The following ANXA4 variants were observed in gnomAD, a reference collection of about 807,000 sequenced individuals.
ANXA4 encodes the protein annexin A4.
In ANXA4, 39 loss-of-function variants were observed where a neutral mutation model predicts 49.8. The ratio of observed to expected loss-of-function variants is 0.78; its 90% CI spans 0.61 to 1.02. ANXA4 has a LOEUF of 1.02. Among genes scored for constraint, ANXA4 ranks in the 50% least tolerant of loss-of-function variants. ANXA4 has a pLI of 0.00. For synonymous variants in ANXA4, 134 were observed against 152.5 expected (o/e 0.88, Z 0.89); for missense variants, 360 against 410.1 (o/e 0.88, Z 1.05).
At position 69,657,172 on chromosome 2, in the gene ANXA4, T is replaced by G. The variant is rs138853070; in HGVS notation, n.766+3890T>G. Among the ~76,000 whole-genome samples, 720 of 152,062 alleles carry G rather than the reference T, an allele frequency of 4.7e-3. 6 individuals carry two copies. Among genetic ancestry groups the G allele is most frequent in the African/African-American group, 0.017 (685 of 41,464 alleles). ...ACCATGCCCAGCTAATTTTTGTATT[T>G]TTAGTAGAAACGGAGTTTCACTGTT... On this transcript the variant is annotated intron_variant and non_coding_transcript_variant, in intron 2 of 3. Transcript: ENST00000418066.
Position 69,750,615 on chromosome 2 carries a change from C to T in ANXA4, c.-47+8440C>T, listed in dbSNP as rs943086161. Among the ~76,000 whole-genome samples, 4 of 152,172 alleles carry T rather than the reference C, an allele frequency of 2.6e-5. No individual in the cohort carries two copies. The East Asian group carries it at 5.8e-4, about 22-fold the overall frequency. On this transcript the variant is annotated intron_variant, in intron 1 of 12. Coordinates refer to ENST00000394295, the MANE Select transcript of ANXA4 (RefSeq NM_001153.5). ...TTTTTGTAGAGACAGAGTTTTACCA[C>T]GTTTCCCAGGCTGGTTTCAAACTCC...
chr2:69,654,522 T>G (rs1167366388), intron 2 of ANXA4, among the ~76,000 whole-genome samples: 1 of 152,238 alleles, frequency 6.6e-6, no homozygotes, highest in Non-Finnish European at 1.5e-5. Context: ...TGAAGGCCCT[T>G]TCTGCATGTA....
At chr2:69,697,001 T>C (rs1250204726) in intron 2 of ANXA4, among the ~76,000 whole-genome samples, 1 of 152,148 alleles carries the variant, frequency 6.6e-6, no homozygotes, top group East Asian at 1.9e-4. Flanking sequence ...ATGAGCACCA[T>C]GTTCAACTTA....
At position 69,818,610 on chromosome 2, in the gene ANXA4, T is replaced by C. The variant is rs757061542; in HGVS notation, c.640T>C (p.Tyr214His). The change falls in exon 10 of 13, where the codon TAC (tyrosine) becomes CAC (histidine). Residue 214 changes from tyrosine (Y) to histidine (H), a missense_variant. By Grantham distance (83) the Tyr-to-His change is moderately conservative. Coordinates refer to ENST00000394295, the MANE Select transcript of ANXA4 (RefSeq NM_001153.5). Reference protein sequence around the residue: ...RNHLLHVFDEYKRISQKDIEQ... With the variant: ...RNHLLHVFDEHKRISQKDIEQ... ...GTTATTGTCTGCAGTGTTTGATGAA[T>C]ACAAAAGGATATCACAGAAGGATAT... The C allele has an allele frequency of 6.2e-7, 1 of 1,601,176 alleles. No individual in the cohort carries two copies. The highest frequency in any genetic ancestry group is 2.2e-5 in the East Asian group (1 of 44,570).
At chr2:69,670,761 C>T (rs187652874) in intron 2 of ANXA4, among the ~76,000 whole-genome samples, 39 of 152,068 alleles carry the variant, frequency 2.6e-4, no homozygotes, top group Admixed American at 9.8e-4. Flanking sequence ...TGATGGCTCA[C>T]ACCTGTAATC....
intron 1 of ANXA4, among the ~76,000 whole-genome samples, chr2:69,748,727 T>A (rs78460898): frequency 6.0e-5 from 9 of 149,452 alleles, no homozygotes; most frequent in Non-Finnish European, 8.9e-5. Context: ...TTTTTTTTTT[T>A]AATACAGGGT....
intron 7 of ANXA4, chr2:69,811,270 A>G (rs1490527593): frequency 6.5e-6 from 1 of 153,224 alleles, no homozygotes; most frequent in Non-Finnish European, 1.5e-5. Flanking sequence ...TTCTGGAAAC[A>G]GGGTGGGAGG....
intron 2 of ANXA4, among the ~76,000 whole-genome samples, chr2:69,669,867 A>G (rs1226108140): frequency 6.6e-6 from 1 of 152,124 alleles, no homozygotes; most frequent in Non-Finnish European, 1.5e-5. Flanking sequence ...CCGCTACTCA[A>G]GATTGTAAAG....
At chr2:69,744,724 A>G (rs1455768442) in intron 1 of ANXA4, among the ~76,000 whole-genome samples, 1 of 152,136 alleles carries the variant, frequency 6.6e-6, no homozygotes, top group Non-Finnish European at 1.5e-5. Context: ...ATCCTTGGTC[A>G]AGTTCAGACC....
At position 69,757,261 on chromosome 2, in the gene ANXA4, TATA is replaced by T. The variant is rs1207508349; in HGVS notation, c.-47+15087_-47+15089del. ...TTTTATATATATATATATATATATA[TATA>T]TATTTTTTTTTTTTTTTTTTTTTTT... On this transcript the variant is annotated intron_variant, in intron 1 of 12. Transcript: ENST00000394295. Among the ~76,000 whole-genome samples, 397 of 40,228 alleles carry T rather than the reference TATA, an allele frequency of 9.9e-3. 7 individuals carry two copies. Among genetic ancestry groups the T allele is most frequent in the African/African-American group, 0.072 (380 of 5,268 alleles). The allele number at this position is 40,228 out of a possible 152,430, so 26.4% of individuals were successfully genotyped here.
intron 1 of ANXA4, among the ~76,000 whole-genome samples, chr2:69,753,701 T>C (rs1670941883): frequency 1.3e-5 from 2 of 152,204 alleles, no homozygotes; most frequent in Admixed American, 1.3e-4. Flanking sequence ...TCCTAACCCA[T>C]TCATGGCTGT....
rs139818407 is a variant in ANXA4 at position 69,723,017 on chromosome 2, C to CAAA, written n.864+2150_864+2152dup. On this transcript the variant is annotated intron_variant and non_coding_transcript_variant, in intron 3 of 3. Coordinates refer to the ANXA4 transcript ENST00000418066. Reference sequence around the variant, plus strand: ...GAAACTCCATCTCTACTAAAAATACCAAAAAATATATATATATATATATAT... The same window carrying CAAA: ...GAAACTCCATCTCTACTAAAAATACCAAAAAAAAATATATATATATATATATAT... Among the ~76,000 whole-genome samples, 266 of 145,532 alleles carry CAAA rather than the reference C, an allele frequency of 1.8e-3. 2 individuals carry two copies. The highest frequency in any genetic ancestry group is 5.5e-3 in the African/African-American group (218 of 39,416).
At chr2:69,749,741 A>G (rs1478465234) in intron 1 of ANXA4, among the ~76,000 whole-genome samples, 3 of 151,570 alleles carry the variant, frequency 2.0e-5, no homozygotes, top group East Asian at 1.9e-4. Context: ...CCTAGCCAAC[A>G]TGGTAAAACC....
chr2:69,770,992 G>T (rs1671688311), intron 1 of ANXA4, among the ~76,000 whole-genome samples: 1 of 150,722 alleles, frequency 6.6e-6, no homozygotes, highest in Non-Finnish European at 1.5e-5. Flanking sequence ...TACTCGGGAG[G>T]CTGAGGCGGC....
intron 2 of ANXA4, among the ~76,000 whole-genome samples, chr2:69,787,662 G>A (rs1672473539): frequency 6.6e-6 from 1 of 152,168 alleles, no homozygotes; most frequent in African/African-American, 2.4e-5. Flanking sequence ...AACTAGTTCC[G>A]GCCTCAGGAC....
At chr2:69,808,028 G>T (rs1424790722) in intron 6 of ANXA4, 32 bp downstream of exon 6, 1 of 1,599,086 alleles carries the variant, frequency 6.3e-7, no homozygotes, top group Admixed American at 1.7e-5. Context: ...CCTGGCTGAG[G>T]TTTCGCTGTG....
At chr2:69,795,658 A>T (rs1672913402) in intron 3 of ANXA4, among the ~76,000 whole-genome samples, 2 of 152,300 alleles carry the variant, frequency 1.3e-5, no homozygotes, top group South Asian at 4.1e-4. Context: ...GAACTGGCCT[A>T]GCAGTTTTAG....
rs1671646732 is a variant in ANXA4, at chr2:69,769,981, A to C, written c.-46-11539A>C. On this transcript the variant is annotated intron_variant, in intron 1 of 12. Transcript: ENST00000394295. Reference sequence around the variant, plus strand: ...CCAGGCCTAAGATACATGTTTTTTAATTACTTGTGGATTGAAAGGATTATT... The same window carrying C: ...CCAGGCCTAAGATACATGTTTTTTACTTACTTGTGGATTGAAAGGATTATT... Among the ~76,000 whole-genome samples the C allele has an allele frequency of 2.0e-5, 3 of 152,136 alleles. No individual in the cohort carries two copies. In the South Asian group the frequency reaches 6.2e-4, roughly 32 times the overall value.
chr2:69,780,925 G>A (rs1672172304), intron 1 of ANXA4, among the ~76,000 whole-genome samples: 1 of 152,114 alleles, frequency 6.6e-6, no homozygotes, highest in African/African-American at 2.4e-5. Flanking sequence ...ATGAAAGAGG[G>A]GGTGCTGAAA....
Sources: gnomAD v4.1 joint callset for allele counts (sites outside exome capture counted in the v4.1 genomes callset) on GRCh38, gnomAD v4.1.1 for gene constraint, MANE v1.5 for transcripts, NCBI Gene and HGNC (gene_info 2026-07-23, HGNC 2026-07-21) for gene names.